SNAP29: variants seen among roughly 807,000 people sequenced by gnomAD.
SNAP29 encodes the protein synaptosomal-associated protein 29.
In SNAP29, 13 loss-of-function variants were observed where a neutral mutation model predicts 27.9. The observed-to-expected ratio is 0.47, with a 90% confidence interval of 0.30 to 0.74. The LOEUF is 0.74. Among genes scored for constraint, SNAP29 ranks in the 30% least tolerant of loss-of-function variants. SNAP29 has a pLI of 0.06. For missense variants in SNAP29, 368 were observed against 336.5 expected, an observed-to-expected ratio of 1.09 and a Z score of -0.73; for synonymous variants, 119 against 127.1, an observed-to-expected ratio of 0.94 and a Z score of 0.43.
At chr22:20,881,241 A>G (rs1928884733) in intron 3 of SNAP29, 107 bp downstream of exon 3, 2 of 791,646 alleles carry the variant, frequency 2.5e-6, no homozygotes, top group African/African-American at 3.4e-5. Context: ...GGAGGTGGGC[A>G]GGGGCCCCAG....
chr22:20,886,587 G>T (rs1280318846), intron 4 of SNAP29, among the ~76,000 whole-genome samples: 2 of 151,290 alleles, frequency 1.3e-5, no homozygotes, highest in Non-Finnish European at 2.9e-5. Context: ...GGGATTACAG[G>T]CATGAGCCAC....
intron 2 of SNAP29, among the ~76,000 whole-genome samples, chr22:20,878,180 G>A (rs1257549780): frequency 1.3e-5 from 2 of 152,160 alleles, no homozygotes; most frequent in Admixed American, 1.3e-4. Flanking sequence ...AGCACCCATG[G>A]GGAGTAAGGA....
In SNAP29 at chr22:20,859,118, C is replaced by T. The variant is rs1434446076; in HGVS notation, c.8C>T (p.Ala3Val). 2 of 1,606,304 alleles carry T rather than the reference C, an allele frequency of 1.2e-6. No individual in the cohort carries two copies. Among genetic ancestry groups the T allele is most frequent in the African/African-American group, 1.3e-5 (1 of 74,894 alleles). MS[A>V]YPKSYNPFDD... Reference sequence around the variant, plus strand: ...GAGAGCCGCGCCGGCACCATGTCAGCTTACCCTAAAAGCTACAATCCGTTC... The same window carrying T: ...GAGAGCCGCGCCGGCACCATGTCAGTTTACCCTAAAAGCTACAATCCGTTC... Residue 3 changes from alanine (A) to valine (V), a missense_variant, in exon 1 of 5, where the codon GCT becomes GTT. Coordinates refer to ENST00000215730, the MANE Select transcript of SNAP29 (RefSeq NM_004782.4).
intron 2 of SNAP29, among the ~76,000 whole-genome samples, chr22:20,879,211 A>G (rs1202506248): frequency 6.6e-6 from 1 of 151,426 alleles, no homozygotes; most frequent in East Asian, 2.0e-4. Context: ...GGAGGCTGAG[A>G]CAGGAGAATG....
intron 2 of SNAP29, chr22:20,870,834 T>C (rs1569116921): frequency 2.3e-6 from 1 of 442,876 alleles, no homozygotes; most frequent in Non-Finnish European, 4.2e-6. Context: ...TCACATAATT[T>C]TTGCTTTAAA....
At chr22:20,870,838 C>T (rs1043728952) in intron 2 of SNAP29, 5 of 430,118 alleles carry the variant, frequency 1.2e-5, no homozygotes, top group East Asian at 1.0e-4. Context: ...ATAATTTTTG[C>T]TTTAAAAAAT....
At position 20,873,868 on chromosome 22, in the gene SNAP29, TG is replaced by T. The variant is rs1928655348; in HGVS notation, c.434+3336del. ...CTGTAGCCCCAGCTACTTGGGAGGC[TG>T]AGGAGGAGAATCCCTTAAGCCTGGG... On this transcript the variant is annotated intron_variant, in intron 2 of 4. Transcript: ENST00000215730. Among the ~76,000 whole-genome samples, 3 of 142,806 alleles carry T rather than the reference TG, an allele frequency of 2.1e-5. No homozygotes were observed. The South Asian group carries it at 6.7e-4, about 32-fold the overall frequency. 93.7% of individuals were successfully genotyped at this position (142,806 alleles called of 152,430 possible). A position where few individuals can be genotyped will look rare whatever the true frequency, so the allele number is the denominator to read the frequency against.
chr22:20,890,073 C>T lies in SNAP29; in HGVS notation c.*2237C>T, dbSNP rs1264658854. ...TTCTTGTTCAGACCCTCTCGTTCTA[C>T]GTCCTGTGCTGAGGGGACTGTCCGT... On this transcript the variant is annotated 3_prime_UTR_variant, in exon 5 of 5. Coordinates refer to ENST00000215730, the MANE Select transcript of SNAP29 (RefSeq NM_004782.4). The T allele has an allele frequency of 4.8e-5, 19 of 393,212 alleles. No homozygotes were observed. The highest frequency in any genetic ancestry group is 7.6e-5 in the Non-Finnish European group (17 of 223,492). 24.4% of individuals were successfully genotyped at this position (393,212 alleles called of 1,614,324 possible).
Position 20,887,782 on chromosome 22 carries a change from G to A in SNAP29, c.723G>A (p.Val241=). ...DDILDRLTTK[V]DKLDVNIKST... ...TTCTTGACCGGCTGACAACCAAAGT[G>A]GACAAGTTAGATGTCAACATAAAAA... The change falls in exon 5 of 5, where the codon GTG becomes GTA. Residue 241 remains valine, a synonymous_variant. Transcript: ENST00000215730. 2 of 1,614,126 alleles carry A rather than the reference G, an allele frequency of 1.2e-6. No homozygotes were observed. Among genetic ancestry groups the A allele is most frequent in the Non-Finnish European group, 8.5e-7 (1 of 1,180,008 alleles).
intron 4 of SNAP29, 102 bp from the exon 5 acceptor site, chr22:20,887,577 A>C (rs1929049024): frequency 7.8e-7 from 1 of 1,274,730 alleles, no homozygotes; most frequent in Admixed American, 1.7e-5. Flanking sequence ...CCCCCCAGGC[A>C]ACACAGATCC....
chr22:20,871,483 A>T (rs939918644), intron 2 of SNAP29, among the ~76,000 whole-genome samples: 6 of 106,316 alleles, frequency 5.6e-5, no homozygotes, highest in African/African-American at 2.3e-4. Context: ...CCCTGTCTCT[A>T]AAAAAAAAAA....
chr22:20,870,904 A>G (rs934807979), intron 2 of SNAP29: 2 of 332,438 alleles, frequency 6.0e-6, no homozygotes, highest in South Asian at 2.5e-5. Flanking sequence ...CAGGATGCCA[A>G]GGTGGGTAGA....
chr22:20,864,073 GT>G (rs1297664491), intron 1 of SNAP29, among the ~76,000 whole-genome samples: 1 of 152,108 alleles, frequency 6.6e-6, no homozygotes, highest in African/African-American at 2.4e-5. Context: ...CTTGGACATG[GT>G]TTTTGTACAC....
At chr22:20,866,051 A>G (rs927435748) in intron 1 of SNAP29, among the ~76,000 whole-genome samples, 1 of 152,212 alleles carries the variant, frequency 6.6e-6, no homozygotes, top group Non-Finnish European at 1.5e-5. Flanking sequence ...TTGAGCAAGG[A>G]CACTCTTATC....
At chr22:20,872,496 G>A (rs569449488) in intron 2 of SNAP29, among the ~76,000 whole-genome samples, 1 of 152,242 alleles carries the variant, frequency 6.6e-6, no homozygotes, top group Admixed American at 6.5e-5. Flanking sequence ...CGCCTCCCGG[G>A]TTCATGCCGT....
rs117669418 is a variant in SNAP29, at chr22:20,870,612, G to A, written c.434+79G>A. 7,779 of 1,334,582 alleles carry A rather than the reference G, an allele frequency of 5.8e-3. 64 individuals carry two copies. Among genetic ancestry groups the A allele is most frequent in the East Asian group, 0.046 (1,891 of 40,734 alleles). 82.7% of individuals were successfully genotyped at this position (1,334,582 alleles called of 1,614,324 possible). A position where few individuals can be genotyped will look rare whatever the true frequency, so the allele number is the denominator to read the frequency against. ...CAAATGACCAAGACTTTCAGTCCAC[G>A]TCAGTGCCATGAAGGGATCCAACAA... is the stretch of plus-strand genomic sequence containing the variant. On this transcript the variant is annotated intron_variant, in intron 2 of 4. Coordinates refer to ENST00000215730, the MANE Select transcript of SNAP29 (RefSeq NM_004782.4).
intron 4 of SNAP29, among the ~76,000 whole-genome samples, chr22:20,885,552 G>A (rs1928992408): frequency 1.3e-5 from 2 of 152,230 alleles, no homozygotes; most frequent in Non-Finnish European, 2.9e-5. Flanking sequence ...TGCGAGAAAG[G>A]GAGAGGTTAG....
At chr22:20,860,709 C>G (rs1010075374) in intron 1 of SNAP29, among the ~76,000 whole-genome samples, 23 of 152,090 alleles carry the variant, frequency 1.5e-4, no homozygotes, top group African/African-American at 5.3e-4. Flanking sequence ...CTCTCTTCAG[C>G]CTGCTAATGA....
At chr22:20,886,729 A>G (rs1309386191) in intron 4 of SNAP29, among the ~76,000 whole-genome samples, 1 of 152,040 alleles carries the variant, frequency 6.6e-6, no homozygotes, top group Non-Finnish European at 1.5e-5. Context: ...CTCTTGCCTC[A>G]GCCTCCCGAG....
Sources: allele counts gnomAD v4.1 joint callset (sites outside exome capture counted in the v4.1 genomes callset), GRCh38; gene constraint gnomAD v4.1.1; transcripts MANE v1.5; gene names NCBI Gene and HGNC (gene_info 2026-07-23, HGNC 2026-07-21).